NAA38: variants seen among roughly 807,000 people sequenced by gnomAD.
NAA38 encodes the protein LSM domain containing 1.
NAA38 carries 15 observed loss-of-function variants against 12.6 expected under a neutral mutation model. The observed-to-expected ratio is 1.19, with a 90% CI of 0.79 to 1.83. NAA38 has a LOEUF of 1.83. NAA38 is among the 40% of genes most tolerant of loss of function. NAA38 has a pLI of 0.00. For synonymous variants in NAA38, 88 were observed against 69.9 expected, an observed-to-expected ratio of 1.26 and a Z score of -1.29; for missense variants, 183 against 171.7, an observed-to-expected ratio of 1.07 and a Z score of -0.37.
intron 3 of NAA38, chr17:7,863,896 C>A (rs990716895): frequency 6.6e-6 from 1 of 152,180 alleles, no homozygotes; most frequent in African/African-American, 2.4e-5. Context: ...ACCATGGCAA[C>A]CCATGGCAGA....
intron 1 of NAA38, chr17:7,884,695 C>T (rs1395693473): frequency 7.5e-6 from 2 of 267,722 alleles, no homozygotes; most frequent in Non-Finnish European, 1.3e-5. Flanking sequence ...ACGCCGCCGC[C>T]GAGGAGGAGG....
intron 2 of NAA38, among the ~76,000 whole-genome samples, chr17:7,880,311 GAA>G (rs1416207108): frequency 2.0e-5 from 3 of 151,122 alleles, no homozygotes; most frequent in African/African-American, 7.3e-5. Context: ...GGGAAAGAGG[GAA>G]AGAGTGGAGA....
intron 2 of NAA38, among the ~76,000 whole-genome samples, chr17:7,867,582 T>C (rs765471956): frequency 1.3e-5 from 2 of 152,236 alleles, no homozygotes; most frequent in Non-Finnish European, 2.9e-5. Context: ...TCCACCCGTG[T>C]GGGCCTCCCA....
At chr17:7,867,194 GGAGGGAAGCCAAT>G (rs996698280) in intron 2 of NAA38, among the ~76,000 whole-genome samples, 1 of 152,134 alleles carries the variant, frequency 6.6e-6, no homozygotes, top group African/African-American at 2.4e-5. Context: ...GGGAGGCGGG[GGAGGGAAGCCAAT>G]GAGAGACGCT....
intron 1 of NAA38, among the ~76,000 whole-genome samples, chr17:7,884,470 A>ATATATG (rs1262228320): frequency 7.0e-6 from 1 of 143,010 alleles, no homozygotes; most frequent in African/African-American, 2.6e-5. Flanking sequence ...ATATATATAT[A>ATATATG]TATATATGTA....
chr17:7,877,643 C>G (rs1319158239), intron 2 of NAA38, among the ~76,000 whole-genome samples: 1 of 152,020 alleles, frequency 6.6e-6, no homozygotes, highest in African/African-American at 2.4e-5. Context: ...GTAATGTCAC[C>G]CTATGCATAA....
At chr17:7,857,985 C>T, upstream of NAA38, 1 of 1,495,968 alleles carries the variant, frequency 6.7e-7, no homozygotes, top group Non-Finnish European at 8.8e-7. Flanking sequence ...TCTCAGTGGA[C>T]GGTGGCCGGA....
At chr17:7,858,101 A>T (rs1313370198), upstream of NAA38, 2 of 1,611,460 alleles carry the variant, frequency 1.2e-6, no homozygotes, top group Non-Finnish European at 1.7e-6. Context: ...CAAAGGAGTA[A>T]CCAAGAGATC....
At chr17:7,872,157 TTTTAAC>T (rs1415251367) in intron 2 of NAA38, among the ~76,000 whole-genome samples, 2 of 152,242 alleles carry the variant, frequency 1.3e-5, no homozygotes, top group Admixed American at 6.5e-5. Flanking sequence ...CTAGCTAGTC[TTTTAAC>T]TTTATGTTTT....
intron 2 of NAA38, among the ~76,000 whole-genome samples, chr17:7,880,262 C>T (rs1159428600): frequency 6.6e-6 from 1 of 151,126 alleles, no homozygotes; most frequent in African/African-American, 2.4e-5. Context: ...TCAAGACAGA[C>T]AGATAAGAAG....
intron 2 of NAA38, among the ~76,000 whole-genome samples, chr17:7,882,179 A>G (rs1379288430): frequency 2.0e-5 from 3 of 152,170 alleles, no homozygotes; most frequent in Non-Finnish European, 4.4e-5. Context: ...ACCTTTAGCC[A>G]CCCGCACCTG....
chr17:7,873,256 G>A (rs1160922386), intron 2 of NAA38, among the ~76,000 whole-genome samples: 1 of 152,192 alleles, frequency 6.6e-6, no homozygotes, highest in East Asian at 1.9e-4. Context: ...TTTGAACAGG[G>A]ACTGACAAGG....
chr17:7,857,327 C>A, intron 1 of NAA38, 56 bp downstream of exon 1: 1 of 1,613,126 alleles, frequency 6.2e-7, no homozygotes, highest in Non-Finnish European at 8.5e-7. Context: ...GTTCCCCACC[C>A]CCTCCATCTT....
upstream of NAA38, chr17:7,859,746 C>T (rs2078869238): frequency 8.2e-6 from 6 of 732,480 alleles, 1 homozygote; most frequent in South Asian, 6.8e-5. Context: ...TAGCCTGTGC[C>T]CTTCTGAAGT....
At chr17:7,858,529 G>A, upstream of NAA38, 2 of 1,613,796 alleles carry the variant, frequency 1.2e-6, no homozygotes, top group Non-Finnish European at 1.7e-6. Flanking sequence ...TGGAGAGCGG[G>A]GATGGGAAGG....
intron 1 of NAA38, 36 bp downstream of exon 1, chr17:7,857,347 C>T (rs1228986158): frequency 1.2e-5 from 19 of 1,613,246 alleles, no homozygotes; most frequent in Non-Finnish European, 1.4e-5. Flanking sequence ...TGCTGCTTGA[C>T]TGCCCCTCAG....
upstream of NAA38, chr17:7,857,787 A>G: frequency 3.1e-6 from 4 of 1,294,564 alleles, no homozygotes; most frequent in Non-Finnish European, 3.9e-6. Flanking sequence ...TCTCAGAGAG[A>G]TAGTCTGTCC....
chr17:7,859,649 T>C (rs757572263), upstream of NAA38: 1 of 1,601,792 alleles, frequency 6.2e-7, no homozygotes, highest in African/African-American at 1.3e-5. Flanking sequence ...TCAAGACGTA[T>C]TTCGAGTTTG....
At chr17:7,861,235 C>T (rs1597875340), upstream of NAA38, 2 of 152,166 alleles carry the variant, frequency 1.3e-5, no homozygotes, top group South Asian at 2.1e-4. Context: ...GGGCCCAGCA[C>T]AGGAGAAGGT....
Sources: allele counts gnomAD v4.1 joint callset (sites outside exome capture counted in the v4.1 genomes callset), GRCh38; gene constraint gnomAD v4.1.1; transcripts MANE v1.5; gene names NCBI Gene and HGNC (gene_info 2026-07-23, HGNC 2026-07-21).